Variants in SPTSSA observed in about 807,000 individuals in gnomAD.
SPTSSA encodes the protein serine palmitoyltransferase small subunit A.
A neutral mutation model predicts 9.1 loss-of-function variants in SPTSSA; 8 were observed. The observed-to-expected ratio is 0.88, with a 90% CI of 0.51 to 1.58. The LOEUF is 1.58. SPTSSA is among the 40% of genes most tolerant of loss of function. The pLI, the probability that SPTSSA is intolerant of heterozygous loss-of-function variation, is 0.00. For synonymous variants in SPTSSA, 42 were observed against 37.7 expected (o/e 1.11, Z -0.41); for missense variants, 100 against 93.8 (o/e 1.07, Z -0.27).
At chr14:34,435,623 C>CTCTTTTTTTTTTTT (rs1883229026) in intron 1 of SPTSSA, among the ~76,000 whole-genome samples, 4 of 92,470 alleles carry the variant, frequency 4.3e-5, no homozygotes, top group African/African-American at 1.8e-4. Context: ...GTTTGTTTCT[C>CTCTTTTTTTTTTTT]TTTTTTTTTT....
intron 1 of SPTSSA, among the ~76,000 whole-genome samples, chr14:34,449,393 T>C (rs576983343): frequency 3.9e-4 from 59 of 150,288 alleles, no homozygotes; most frequent in African/African-American, 1.2e-3. Context: ...ATACCCTGTC[T>C]TGAAAAAAAA....
intron 1 of SPTSSA, among the ~76,000 whole-genome samples, chr14:34,456,384 G>C (rs2138834590): frequency 6.6e-6 from 1 of 152,148 alleles, no homozygotes; most frequent in Non-Finnish European, 1.5e-5. Context: ...TGTTTTTTAA[G>C]CATTATTTGT....
chr14:34,457,891 G>C (rs1476522266), intron 1 of SPTSSA, among the ~76,000 whole-genome samples: 1 of 145,912 alleles, frequency 6.9e-6, no homozygotes, highest in African/African-American at 2.6e-5. Context: ...AGAATCGCCT[G>C]AATCCCAGAG....
chr14:34,445,668 A>G (rs1270870507), intron 1 of SPTSSA, among the ~76,000 whole-genome samples: 1 of 152,184 alleles, frequency 6.6e-6, no homozygotes, highest in Non-Finnish European at 1.5e-5. Context: ...CATCCAGAAA[A>G]GAGGTAAACA....
intron 1 of SPTSSA, among the ~76,000 whole-genome samples, chr14:34,442,329 C>G (rs1467531265): frequency 6.6e-6 from 1 of 152,192 alleles, no homozygotes; most frequent in African/African-American, 2.4e-5. Flanking sequence ...TCAAACTCAA[C>G]TGGCTAAGGA....
intron 1 of SPTSSA, among the ~76,000 whole-genome samples, chr14:34,452,336 TG>T (rs1320990819): frequency 6.6e-6 from 1 of 151,908 alleles, no homozygotes; most frequent in Non-Finnish European, 1.5e-5. Context: ...TTGAAACAAG[TG>T]GAAAATATTA....
chr14:34,448,613 C>T lies in SPTSSA; in HGVS notation c.113-13309G>A, dbSNP rs886938630. The stretch of plus-strand genomic sequence containing the variant: ...GAATCCTCTAGAGGATATTTAAACT[C>T]GCCAAAATTCTGTAACCGGGCCTTT... On this transcript the variant is annotated intron_variant, in intron 1 of 1. Coordinates refer to ENST00000298130, the MANE Select transcript of SPTSSA (RefSeq NM_138288.4). Among the ~76,000 whole-genome samples the T allele has an allele frequency of 2.6e-5, 4 of 152,214 alleles. No individual in the cohort carries two copies. In the East Asian group the frequency reaches 5.8e-4, roughly 22 times the overall value.
intron 1 of SPTSSA, 37 bp downstream of exon 1, chr14:34,462,059 C>G (rs1878631760): frequency 2.3e-6 from 3 of 1,312,278 alleles, no homozygotes; most frequent in Non-Finnish European, 2.9e-6. Context: ...CCCGCGCCCC[C>G]AGCCCGGCCC....
chr14:34,442,193 T>C (rs1026634311), intron 1 of SPTSSA, among the ~76,000 whole-genome samples: 13 of 152,094 alleles, frequency 8.5e-5, no homozygotes, highest in African/African-American at 2.9e-4. Flanking sequence ...CTGTTTATAG[T>C]TGCCGTGGAC....
intron 1 of SPTSSA, among the ~76,000 whole-genome samples, chr14:34,454,676 T>C (rs1883583790): frequency 6.6e-6 from 1 of 152,172 alleles, no homozygotes; most frequent in South Asian, 2.1e-4. Flanking sequence ...GTGGTCTGCT[T>C]CCACCGTACT....
intron 1 of SPTSSA, among the ~76,000 whole-genome samples, chr14:34,449,798 C>T (rs1463634418): frequency 2.6e-5 from 4 of 152,224 alleles, no homozygotes; most frequent in Admixed American, 6.5e-5. Context: ...CCACCACACC[C>T]GACCTAGGCA....
chr14:34,436,011 C>G (rs535685106), intron 1 of SPTSSA, among the ~76,000 whole-genome samples: 2 of 152,148 alleles, frequency 1.3e-5, no homozygotes, highest in East Asian at 3.9e-4. Context: ...TATTTAATTA[C>G]TATAAAAGAT....
chr14:34,444,840 A>G (rs1883392773), intron 1 of SPTSSA, among the ~76,000 whole-genome samples: 1 of 152,174 alleles, frequency 6.6e-6, no homozygotes, highest in African/African-American at 2.4e-5. Context: ...CATGCCTGTA[A>G]TCCCAACACT....
intron 1 of SPTSSA, among the ~76,000 whole-genome samples, chr14:34,435,771 A>G (rs1883233025): frequency 6.6e-6 from 1 of 151,452 alleles, no homozygotes; most frequent in Non-Finnish European, 1.5e-5. Context: ...CTGGGATTAC[A>G]GGTGCCCGCC....
At chr14:34,456,219 G>A (rs1197478311) in intron 1 of SPTSSA, among the ~76,000 whole-genome samples, 1 of 151,992 alleles carries the variant, frequency 6.6e-6, no homozygotes, top group Non-Finnish European at 1.5e-5. Flanking sequence ...CTACTTGGGA[G>A]GCTGAGGCAG....
chr14:34,443,183 A>T (rs1392653166), intron 1 of SPTSSA, among the ~76,000 whole-genome samples: 10 of 23,536 alleles, frequency 4.2e-4, no homozygotes, highest in South Asian at 1.7e-3. Context: ...TTTGAGATTG[A>T]GTTTTCCTCT....
chr14:34,438,987 G>T (rs1883280797), intron 1 of SPTSSA, among the ~76,000 whole-genome samples: 1 of 152,164 alleles, frequency 6.6e-6, no homozygotes. Context: ...GAAGTAGATA[G>T]GGACTGAAGG....
chr14:34,443,876 C>T (rs111244518), intron 1 of SPTSSA, among the ~76,000 whole-genome samples: 3 of 152,226 alleles, frequency 2.0e-5, no homozygotes, highest in African/African-American at 7.2e-5. Context: ...ATATTTTTCT[C>T]TCTCTCTGCC....
At chr14:34,454,951 G>A (rs1883588399) in intron 1 of SPTSSA, among the ~76,000 whole-genome samples, 1 of 152,078 alleles carries the variant, frequency 6.6e-6, no homozygotes, top group African/African-American at 2.4e-5. Context: ...GCCGGGTGTG[G>A]TGGCAGGCAC....
Sources: allele counts gnomAD v4.1 joint callset (sites outside exome capture counted in the v4.1 genomes callset), GRCh38; gene constraint gnomAD v4.1.1; transcripts MANE v1.5; gene names NCBI Gene and HGNC (gene_info 2026-07-23, HGNC 2026-07-21).